The following CHRNA9 variants were observed in gnomAD, a reference collection of about 807,000 sequenced individuals.
CHRNA9 encodes the protein cholinergic receptor nicotinic alpha 9 subunit.
In CHRNA9, 24 loss-of-function variants were observed where a neutral mutation model predicts 36.8. The ratio of observed to expected loss-of-function variants is 0.65; its 90% CI spans 0.47 to 0.92. CHRNA9 has a LOEUF of 0.92. Ranked by LOEUF, CHRNA9 falls within the 40% of genes least tolerant of loss-of-function variation. The probability of loss-of-function intolerance (pLI) is 0.00; values close to 1 mark genes in which losing one functional copy is unlikely to be tolerated. For missense variants in CHRNA9, 610 were observed against 601.2 expected (o/e 1.01, Z -0.15); for synonymous variants, 231 against 231.8 (o/e 1.00, Z 0.03).
rs1712899949 is a variant in CHRNA9 at position 40,354,403 on chromosome 4, C to G, written c.1323C>G (p.Thr441=). The G allele has an allele frequency of 6.2e-7, 1 of 1,614,048 alleles. No homozygotes were observed. Among genetic ancestry groups the G allele is most frequent in the African/African-American group, 1.3e-5 (1 of 75,034 alleles). The change falls in exon 5 of 5, where the codon ACC becomes ACG. Residue 441 remains threonine, a synonymous_variant. Transcript: ENST00000310169. ...AGTGCCTCAAAGACCACAAGGCCACCAATTCCAAGGGGAGTGAATGGAAGA... is the reference window on the plus strand; with the variant it reads ...AGTGCCTCAAAGACCACAAGGCCACGAATTCCAAGGGGAGTGAATGGAAGA... ...IAKCLKDHKA[T]NSKGSEWKKV...
At chr4:40,353,870 C>T (rs1712870051) in intron 4 of CHRNA9, 109 bp from the exon 5 acceptor site, 1 of 1,022,158 alleles carries the variant, frequency 9.8e-7, no homozygotes, top group South Asian at 1.5e-5. Context: ...AGCAAAATCA[C>T]CTAATGACTA....
chr4:40,349,798 A>C (rs1017927673), intron 4 of CHRNA9: 1 of 187,110 alleles, frequency 5.3e-6, no homozygotes. Flanking sequence ...ATCCTGTTTT[A>C]ACAAGGCTTA....
rs935636067 is a variant in CHRNA9, at chr4:40,355,093, T to C, written c.*573T>C. 3 of 152,482 alleles carry C rather than the reference T, an allele frequency of 2.0e-5. No individual in the cohort carries two copies. The highest frequency in any genetic ancestry group is 6.5e-5 in the Admixed American group (1 of 15,304). The allele number at this position is 152,482 out of a possible 1,614,324, so 9.4% of individuals were successfully genotyped here. A position where few individuals can be genotyped will look rare whatever the true frequency, so the allele number is the denominator to read the frequency against. On this transcript the variant is annotated 3_prime_UTR_variant, in exon 5 of 5. Coordinates refer to ENST00000310169, the MANE Select transcript of CHRNA9 (RefSeq NM_017581.4). ...CTTTCTTCATAATGGTGATGTCGTA[T>C]ATGTTGGTTATGTTTTATATAAACC...
chr4:40,346,444 G>A (rs1712639861), intron 3 of CHRNA9, among the ~76,000 whole-genome samples: 1 of 152,142 alleles, frequency 6.6e-6, no homozygotes, highest in African/African-American at 2.4e-5. Context: ...ATTTCCTACA[G>A]GGATCATGCC....
intron 4 of CHRNA9, among the ~76,000 whole-genome samples, chr4:40,351,198 G>A (rs1712796353): frequency 6.6e-6 from 1 of 151,466 alleles, no homozygotes; most frequent in African/African-American, 2.4e-5. Flanking sequence ...TGGGCATGGT[G>A]GTGCGTGCCT....
intron 3 of CHRNA9, among the ~76,000 whole-genome samples, chr4:40,347,274 A>G (rs769600313): frequency 2.6e-5 from 4 of 152,224 alleles, no homozygotes; most frequent in Non-Finnish European, 5.9e-5. Context: ...CTTCAAAAAC[A>G]TGCCTGTTCT....
chr4:40,338,876 C>G (rs1366084133), intron 3 of CHRNA9, among the ~76,000 whole-genome samples: 1 of 73,784 alleles, frequency 1.4e-5, no homozygotes, highest in Non-Finnish European at 2.5e-5. Context: ...CTGTCTCTCT[C>G]TCTCCCTCTC....
intron 4 of CHRNA9, 21 bp from the exon 5 acceptor site, chr4:40,353,958 C>A: frequency 1.9e-6 from 3 of 1,564,106 alleles, no homozygotes; most frequent in Non-Finnish European, 2.6e-6. Context: ...AATTCAGTTA[C>A]GGTTGTTATT....
Position 40,349,111 on chromosome 4 carries a change from G to C in CHRNA9, c.595G>C (p.Glu199Gln). The change falls in exon 4 of 5, where the codon GAA (glutamate) becomes CAA (glutamine). Residue 199 changes from glutamate to glutamine, a missense_variant. Transcript: ENST00000310169. ...CAGCGGAGATCTCTCTGACTTCATT[G>C]AAGATGTGGAATGGGAGGTCCATGG... ...LDSGDLSDFIEDVEWEVHGMP... is the reference protein window; with the variant it reads ...LDSGDLSDFIQDVEWEVHGMP... 6.8e-6 allele frequency: 11 copies of C among 1,614,152 alleles called. No individual in the cohort carries two copies. Among genetic ancestry groups the C allele is most frequent in the Non-Finnish European group, 9.3e-6 (11 of 1,180,010 alleles).
rs534300891 is a variant in CHRNA9, at chr4:40,337,249, C to T, written c.250C>T (p.Arg84Cys). The T allele has an allele frequency of 1.0e-4, 163 of 1,614,094 alleles. No individual in the cohort carries two copies. In the Admixed American group the frequency reaches 2.6e-3, roughly 26 times the overall value. The change falls in exon 3 of 5, where the codon CGC becomes TGC. Residue 84 changes from arginine to cysteine, a missense_variant. By Grantham distance (180) the Arg-to-Cys change is radical. Transcript: ENST00000310169. ...NQILTAYLWIRQIWHDAYLTW... is the reference protein window; with the variant it reads ...NQILTAYLWICQIWHDAYLTW... ...AATTCTGACTGCTTATTTGTGGATC[C>T]GCCAAATCTGGCACGATGCCTATCT... is the stretch of plus-strand genomic sequence containing the variant.
At chr4:40,351,663 G>A (rs2109689634) in intron 4 of CHRNA9, among the ~76,000 whole-genome samples, 1 of 152,246 alleles carries the variant, frequency 6.6e-6, no homozygotes, top group African/African-American at 2.4e-5. Flanking sequence ...TTTAAGAAAG[G>A]TCTCATATAT....
chr4:40,347,469 A>G (rs773932983), intron 3 of CHRNA9, among the ~76,000 whole-genome samples: 4 of 152,250 alleles, frequency 2.6e-5, no homozygotes, highest in Non-Finnish European at 5.9e-5. Flanking sequence ...ATGGACTATA[A>G]TAGAATGCTA....
intron 3 of CHRNA9, 81 bp from the exon 4 acceptor site, chr4:40,348,801 G>A (rs1712708785): frequency 7.3e-7 from 1 of 1,377,064 alleles, no homozygotes; most frequent in African/African-American, 1.4e-5. Flanking sequence ...CTGAAGTGAT[G>A]GGGACAGTGA....
In CHRNA9 at chr4:40,354,333, G is replaced by A; in HGVS notation, c.1253G>A (p.Cys418Tyr). The A allele has an allele frequency of 1.2e-6, 2 of 1,614,194 alleles. No individual in the cohort carries two copies. The highest frequency in any genetic ancestry group is 1.7e-6 in the Non-Finnish European group (2 of 1,180,032). Reference protein sequence around the residue: ...GKNPQEAESYCAQYKVLTRNI... With the variant: ...GKNPQEAESYYAQYKVLTRNI... ...AACCCTCAGGAGGCCGAGAGTTACT[G>A]TGCACAGTACAAAGTGCTGACGAGG... The change falls in exon 5 of 5, where the codon TGT becomes TAT. Residue 418 changes from cysteine to tyrosine, a missense_variant. Coordinates refer to ENST00000310169, the MANE Select transcript of CHRNA9 (RefSeq NM_017581.4).
At chr4:40,338,037 A>C (rs1227762522) in intron 3 of CHRNA9, 1 of 152,226 alleles carries the variant, frequency 6.6e-6, no homozygotes, top group African/African-American at 2.4e-5. Flanking sequence ...AGACTTCAAT[A>C]TGTGAATTTT....
intron 3 of CHRNA9, among the ~76,000 whole-genome samples, chr4:40,345,435 G>A (rs1056088150): frequency 3.3e-5 from 5 of 152,074 alleles, no homozygotes; most frequent in African/African-American, 7.2e-5. Context: ...ACTCAAGGCC[G>A]GCGTGGTGGC....
intron 2 of CHRNA9, 132 bp from the exon 3 acceptor site, chr4:40,337,078 T>G (rs868317173): frequency 1.2e-4 from 96 of 774,674 alleles, no homozygotes; most frequent in Non-Finnish European, 1.9e-4. Context: ...AAATAAAGAA[T>G]AAAGCTCTCA....
chr4:40,354,775 G>T lies in CHRNA9; in HGVS notation c.*255G>T, dbSNP rs1232708926. On this transcript the variant is annotated 3_prime_UTR_variant, in exon 5 of 5. Transcript: ENST00000310169. ...AGCCCACCGTAGTGGTGGGTGACTG[G>T]CCTCTAGTTTATATAATTATTTACC... The T allele has an allele frequency of 1.4e-5, 5 of 358,046 alleles. No individual in the cohort carries two copies. Among genetic ancestry groups the T allele is most frequent in the Non-Finnish European group, 2.5e-5 (5 of 197,960 alleles). 22.2% of individuals were successfully genotyped at this position (358,046 alleles called of 1,614,324 possible).
Position 40,337,296 on chromosome 4 carries a change from C to T in CHRNA9, c.297C>T (p.Tyr99=), listed in dbSNP as rs769354742. ...ATCTCACGTGGGACCGAGATCAGTACGATGGCCTAGACTCCATCAGGATCC... is the reference window on the plus strand; with the variant it reads ...ATCTCACGTGGGACCGAGATCAGTATGATGGCCTAGACTCCATCAGGATCC... ...DAYLTWDRDQ[Y]DGLDSIRIPS... is the part of the protein sequence containing the mutation. The change falls in exon 3 of 5, where the codon TAC becomes TAT. Residue 99 remains tyrosine (Y), a synonymous_variant. Coordinates refer to ENST00000310169, the MANE Select transcript of CHRNA9 (RefSeq NM_017581.4). 8.1e-6 allele frequency: 13 copies of T among 1,614,198 alleles called. No individual in the cohort carries two copies. The highest frequency in any genetic ancestry group is 4.5e-5 in the East Asian group (2 of 44,886).
Sources: allele counts gnomAD v4.1 joint callset (sites outside exome capture counted in the v4.1 genomes callset), GRCh38; gene constraint gnomAD v4.1.1; transcripts MANE v1.5; gene names NCBI Gene and HGNC (gene_info 2026-07-23, HGNC 2026-07-21).